CHRNA7: variants seen among roughly 807,000 people sequenced by gnomAD.
CHRNA7 encodes cholinergic receptor nicotinic alpha 7 subunit.
A neutral mutation model predicts 48.0 loss-of-function variants in CHRNA7; 17 were observed. The observed-to-expected ratio is 0.35, with a 90% confidence interval of 0.24 to 0.53. The LOEUF (loss-of-function observed/expected upper bound fraction) is 0.53, where lower values mean the gene tolerates loss of function less well. Ranked by LOEUF, CHRNA7 falls within the 20% of genes least tolerant of loss-of-function variation. The pLI is 0.92. For synonymous variants in CHRNA7, 75 were observed against 242.3 expected, an observed-to-expected ratio of 0.31 and a Z score of 6.41; for missense variants, 155 against 577.7, an observed-to-expected ratio of 0.27 and a Z score of 7.50.
At position 32,057,995 on chromosome 15, in the gene CHRNA7, G is replaced by A. The variant is rs578249560; in HGVS notation, c.195+26958G>A. Among the ~76,000 whole-genome samples, 28 of 152,232 alleles carry A rather than the reference G, an allele frequency of 1.8e-4. No homozygotes were observed. The South Asian group carries it at 4.2e-3, about 23-fold the overall frequency. On this transcript the variant is annotated intron_variant, in intron 2 of 9. Transcript: ENST00000306901. The stretch of plus-strand genomic sequence containing the variant: ...AGGCTTCCCTGTTCTTTATATTACC[G>A]GTCTTGCATTTTACAACTTCAGACT...
chr15:32,084,809 A>G (rs942002220), intron 2 of CHRNA7, among the ~76,000 whole-genome samples: 6 of 147,446 alleles, frequency 4.1e-5, no homozygotes, highest in South Asian at 4.3e-4. Flanking sequence ...ACTCATACCT[A>G]TGCTCATCGG....
intron 4 of CHRNA7, among the ~76,000 whole-genome samples, chr15:32,115,543 C>G (rs1226357458): frequency 3.3e-5 from 5 of 152,050 alleles, no homozygotes; most frequent in Non-Finnish European, 7.4e-5. Flanking sequence ...TGTCCTTTGG[C>G]TCATTGATGC....
At chr15:32,057,159 T>C (rs2049801051) in intron 2 of CHRNA7, among the ~76,000 whole-genome samples, 1 of 152,198 alleles carries the variant, frequency 6.6e-6, no homozygotes, top group South Asian at 2.1e-4. Flanking sequence ...TAGGTTTTGG[T>C]TTGTTTGCTT....
intron 4 of CHRNA7, among the ~76,000 whole-genome samples, chr15:32,147,508 G>A (rs144535403): frequency 2.6e-5 from 4 of 152,244 alleles, no homozygotes; most frequent in Non-Finnish European, 5.9e-5. Flanking sequence ...AGCCACGATC[G>A]CACCACTGCA....
chr15:32,043,664 T>TTATTGTATGTAATATC (rs1482265284), intron 2 of CHRNA7, among the ~76,000 whole-genome samples: 1 of 152,200 alleles, frequency 6.6e-6, no homozygotes, highest in Non-Finnish European at 1.5e-5. Context: ...TTATCTACTG[T>TTATTGTATGTAATATC]TATTGTCATA....
intron 2 of CHRNA7, among the ~76,000 whole-genome samples, chr15:32,078,499 C>A (rs2050167473): frequency 6.6e-6 from 1 of 151,812 alleles, no homozygotes; most frequent in South Asian, 2.1e-4. Flanking sequence ...CTAGTCTCTG[C>A]CAACGTGTAT....
At chr15:32,048,401 G>T (rs1012422482) in intron 2 of CHRNA7, among the ~76,000 whole-genome samples, 4 of 152,176 alleles carry the variant, frequency 2.6e-5, no homozygotes, top group Non-Finnish European at 5.9e-5. Flanking sequence ...AGTTTTGGGA[G>T]AGTGTATGTG....
rs74945065 is a variant in CHRNA7, at chr15:32,099,183, C to T, written c.196-2120C>T. 8.5e-3 allele frequency: 1,289 copies of T among 152,314 alleles called. 21 individuals are homozygous for T. Among genetic ancestry groups the T allele is most frequent in the African/African-American group, 0.029 (1,221 of 41,528 alleles). The allele number at this position is 152,314 out of a possible 1,614,324, so 9.4% of individuals were successfully genotyped here. On this transcript the variant is annotated intron_variant, in intron 2 of 9. Coordinates refer to ENST00000306901, the MANE Select transcript of CHRNA7 (RefSeq NM_000746.6). ...AGAGGACAGCCTCTGTGTGTGTGCACCTGCGTGTGCATAGGGGCAGCAGGC... is the reference window on the plus strand; with the variant it reads ...AGAGGACAGCCTCTGTGTGTGTGCATCTGCGTGTGCATAGGGGCAGCAGGC...
At chr15:32,054,484 C>CT (rs2049750616) in intron 2 of CHRNA7, among the ~76,000 whole-genome samples, 2 of 152,176 alleles carry the variant, frequency 1.3e-5, no homozygotes, top group Non-Finnish European at 2.9e-5. Context: ...AGTAGATATA[C>CT]ACTAATGTGG....
chr15:32,062,079 C>T (rs2049888330), intron 2 of CHRNA7, among the ~76,000 whole-genome samples: 1 of 152,154 alleles, frequency 6.6e-6, no homozygotes, highest in Admixed American at 6.5e-5. Context: ...TTACATTTCT[C>T]ATAGACAACC....
At chr15:32,143,013 G>A (rs2051413504) in intron 4 of CHRNA7, among the ~76,000 whole-genome samples, 2 of 151,970 alleles carry the variant, frequency 1.3e-5, no homozygotes, top group African/African-American at 4.8e-5. Flanking sequence ...GCGATGTTAG[G>A]ATGTCAATTT....
chr15:32,052,189 T>C (rs1025547015), intron 2 of CHRNA7, among the ~76,000 whole-genome samples: 23 of 113,988 alleles, frequency 2.0e-4, no homozygotes, highest in Non-Finnish European at 3.4e-4. Context: ...CTGGTGCCCT[T>C]AAGCATGATT....
chr15:32,082,145 T>G (rs2050226251), intron 2 of CHRNA7, among the ~76,000 whole-genome samples: 1 of 152,162 alleles, frequency 6.6e-6, no homozygotes, highest in African/African-American at 2.4e-5. Flanking sequence ...TGTGTGGTCC[T>G]TAATTTTTAG....
intron 2 of CHRNA7, among the ~76,000 whole-genome samples, chr15:32,092,784 C>T (rs1256961476): frequency 2.6e-5 from 4 of 152,330 alleles, no homozygotes; most frequent in African/African-American, 9.6e-5. Flanking sequence ...ATCTTATCCC[C>T]TTCCCTTTCT....
chr15:32,072,150 C>T (rs2050068031), intron 2 of CHRNA7, among the ~76,000 whole-genome samples: 2 of 152,160 alleles, frequency 1.3e-5, no homozygotes, highest in Admixed American at 1.3e-4. Flanking sequence ...AGTAAGGGCA[C>T]TCCTGTTACA....
At chr15:32,134,516 C>G (rs1383714845) in intron 4 of CHRNA7, among the ~76,000 whole-genome samples, 2 of 152,232 alleles carry the variant, frequency 1.3e-5, no homozygotes, top group East Asian at 3.9e-4. Context: ...TTTAAGAAAA[C>G]ATTACAGATG....
intron 2 of CHRNA7, among the ~76,000 whole-genome samples, chr15:32,038,650 T>C (rs939028879): frequency 6.6e-6 from 1 of 152,226 alleles, no homozygotes; most frequent in Non-Finnish European, 1.5e-5. Context: ...ATTGGAGGCG[T>C]GAGCCACCAC....
In CHRNA7 at chr15:32,061,212, A is replaced by G. The variant is rs577793341; in HGVS notation, c.195+30175A>G. 2.3e-3 allele frequency among the ~76,000 whole-genome samples: 345 copies of G among 152,304 alleles called. 4 individuals are homozygous for G. Among genetic ancestry groups the G allele is most frequent in the South Asian group, 0.015 (72 of 4,826 alleles). ...GACAGCTGCCAAACAGTGGAGGCTCAGGAAACCCCTTCACTTAAGTGCCAG... is the reference window on the plus strand; with the variant it reads ...GACAGCTGCCAAACAGTGGAGGCTCGGGAAACCCCTTCACTTAAGTGCCAG... On this transcript the variant is annotated intron_variant, in intron 2 of 9. Transcript: ENST00000306901.
At chr15:32,151,960 G>C (rs991568029) in intron 4 of CHRNA7, among the ~76,000 whole-genome samples, 1 of 152,200 alleles carries the variant, frequency 6.6e-6, no homozygotes, top group African/African-American at 2.4e-5. Context: ...TGGCCAAAAT[G>C]AGGGGAGCTT....
Sources: gnomAD v4.1 joint callset for allele counts (sites outside exome capture counted in the v4.1 genomes callset) on GRCh38, gnomAD v4.1.1 for gene constraint, MANE v1.5 for transcripts, NCBI Gene and HGNC (gene_info 2026-07-23, HGNC 2026-07-21) for gene names.